The following NEGR1 variants were observed in gnomAD, a reference collection of about 807,000 sequenced individuals.
NEGR1 encodes the protein IgLON family member 4.
NEGR1 carries 10 observed loss-of-function variants against 40.9 expected under a neutral mutation model. The ratio of observed to expected loss-of-function variants is 0.24; its 90% CI spans 0.15 to 0.42. NEGR1 has a LOEUF of 0.42. NEGR1 is among the 10% of genes least tolerant of loss of function. NEGR1 has a pLI of 1.00. For synonymous variants in NEGR1, 185 were observed against 166.8 expected (o/e 1.11, Z -0.84); for missense variants, 352 against 438.9 (o/e 0.80, Z 1.77).
intron 4 of NEGR1, among the ~76,000 whole-genome samples, chr1:71,629,229 C>T (rs549239460): frequency 6.6e-6 from 1 of 151,814 alleles, no homozygotes; most frequent in East Asian, 1.9e-4. Flanking sequence ...AGTGTCTGTT[C>T]ATATCCTTTG....
intron 2 of NEGR1, among the ~76,000 whole-genome samples, chr1:71,922,404 C>A (rs956845523): frequency 1.1e-4 from 16 of 152,148 alleles, no homozygotes; most frequent in Non-Finnish European, 1.9e-4. Flanking sequence ...CAGAGAATAG[C>A]TTTGAGATCA....
At chr1:71,935,562 T>C (rs1389421721) in intron 1 of NEGR1, among the ~76,000 whole-genome samples, 3 of 152,060 alleles carry the variant, frequency 2.0e-5, no homozygotes, top group Non-Finnish European at 2.9e-5. Context: ...TTCGTGTGTG[T>C]GTGTTTCAAC....
chr1:71,832,673 G>T (rs1366723976), intron 2 of NEGR1, among the ~76,000 whole-genome samples: 1 of 152,036 alleles, frequency 6.6e-6, no homozygotes, highest in Non-Finnish European at 1.5e-5. Context: ...TGAAGAGCTG[G>T]TCTACCTCTT....
chr1:71,499,103 T>C (rs1375391196), intron 6 of NEGR1, among the ~76,000 whole-genome samples: 1 of 152,184 alleles, frequency 6.6e-6, no homozygotes, highest in African/African-American at 2.4e-5. Context: ...GTAATGTTAG[T>C]TTTCAGCAAG....
intron 1 of NEGR1, among the ~76,000 whole-genome samples, chr1:72,194,129 C>T (rs972966487): frequency 6.6e-6 from 1 of 151,796 alleles, no homozygotes; most frequent in Admixed American, 6.6e-5. Flanking sequence ...ATTGAATTTA[C>T]AGAAAGGATT....
At chr1:72,022,718 T>C (rs1221675491) in intron 1 of NEGR1, among the ~76,000 whole-genome samples, 1 of 152,074 alleles carries the variant, frequency 6.6e-6, no homozygotes, top group Non-Finnish European at 1.5e-5. Context: ...TTAGCTAGTA[T>C]AATCTGACAA....
chr1:71,552,429 C>T (rs1176040930), intron 6 of NEGR1, among the ~76,000 whole-genome samples: 1 of 149,480 alleles, frequency 6.7e-6, no homozygotes, highest in African/African-American at 2.4e-5. Context: ...CATATACTAC[C>T]TTGTGGCCAT....
chr1:71,815,824 CT>C lies in NEGR1; in HGVS notation c.410-39528del, dbSNP rs537996075. On this transcript the variant is annotated intron_variant, in intron 2 of 6. Transcript: ENST00000357731. ...CCATCACGAACATCCTCTTCCTCGA[CT>C]TTTTTTACTTATAATTTTCCCTATC... Among the ~76,000 whole-genome samples, 589 of 151,874 alleles carry C rather than the reference CT, an allele frequency of 3.9e-3. 1 individual carries two copies. Among genetic ancestry groups the C allele is most frequent in the Middle Eastern group, 0.02 (6 of 294 alleles).
chr1:71,824,674 C>T (rs1460239259), intron 2 of NEGR1, among the ~76,000 whole-genome samples: 5 of 151,948 alleles, frequency 3.3e-5, no homozygotes, highest in African/African-American at 1.2e-4. Context: ...TCTAGTCAGT[C>T]TCTGTTCCTC....
intron 1 of NEGR1, among the ~76,000 whole-genome samples, chr1:72,228,162 A>G (rs1654251798): frequency 6.6e-6 from 1 of 152,082 alleles, no homozygotes; most frequent in Admixed American, 6.6e-5. Flanking sequence ...GGGTGCCCAG[A>G]TAAAGCATTA....
intron 1 of NEGR1, among the ~76,000 whole-genome samples, chr1:72,004,937 A>G (rs1646592958): frequency 6.6e-6 from 1 of 152,148 alleles, no homozygotes; most frequent in Non-Finnish European, 1.5e-5. Flanking sequence ...GAGCACCTCC[A>G]AATAGATTTT....
intron 4 of NEGR1, among the ~76,000 whole-genome samples, chr1:71,624,269 C>T (rs373215019): frequency 3.9e-4 from 59 of 151,956 alleles, no homozygotes; most frequent in African/African-American, 1.4e-3. Context: ...CTTCTCATCA[C>T]TCCTATAGTT....
intron 4 of NEGR1, among the ~76,000 whole-genome samples, chr1:71,678,685 T>G (rs547537108): frequency 4.8e-4 from 73 of 152,256 alleles, no homozygotes; most frequent in Non-Finnish European, 8.4e-4. Context: ...TTGTTCAACA[T>G]TTTGTTCAAC....
intron 4 of NEGR1, among the ~76,000 whole-genome samples, chr1:71,667,471 C>T (rs759344679): frequency 6.6e-6 from 1 of 152,102 alleles, no homozygotes; most frequent in Non-Finnish European, 1.5e-5. Flanking sequence ...AGGGACAGAG[C>T]CCTGGGTGGG....
At chr1:72,142,052 A>C (rs1650697850) in intron 1 of NEGR1, among the ~76,000 whole-genome samples, 1 of 152,024 alleles carries the variant, frequency 6.6e-6, no homozygotes, top group Non-Finnish European at 1.5e-5. Context: ...AAACCAATAG[A>C]GTAACTATCC....
intron 2 of NEGR1, among the ~76,000 whole-genome samples, chr1:71,895,895 T>G (rs1660957546): frequency 6.6e-6 from 1 of 152,140 alleles, no homozygotes; most frequent in African/African-American, 2.4e-5. Context: ...CTACACTATT[T>G]TATATATCAA....
intron 1 of NEGR1, among the ~76,000 whole-genome samples, chr1:72,181,912 G>T (rs1386191420): frequency 2.6e-5 from 4 of 152,120 alleles, no homozygotes; most frequent in Non-Finnish European, 5.9e-5. Context: ...ATAAAATGGA[G>T]AGGTGTATCT....
intron 2 of NEGR1, among the ~76,000 whole-genome samples, chr1:71,891,475 T>A (rs1488216133): frequency 2.6e-4 from 2 of 7,762 alleles, no homozygotes; most frequent in Admixed American, 2.6e-3. Context: ...CTAGAAGAAA[T>A]GGATACATTC....
intron 6 of NEGR1, among the ~76,000 whole-genome samples, chr1:71,488,448 T>C (rs891050092): frequency 6.6e-5 from 10 of 151,838 alleles, no homozygotes; most frequent in African/African-American, 2.4e-4. Context: ...TTCTGCAATT[T>C]GACTCCCAGC....
Sources: gnomAD v4.1 joint callset for allele counts (sites outside exome capture counted in the v4.1 genomes callset) on GRCh38, gnomAD v4.1.1 for gene constraint, MANE v1.5 for transcripts, NCBI Gene and HGNC (gene_info 2026-07-23, HGNC 2026-07-21) for gene names.